The following CHL1 variants were observed in gnomAD, a reference collection of about 807,000 sequenced individuals.
The protein encoded by CHL1 is cell adhesion molecule L1 like, also known as neural cell adhesion molecule L1-like protein.
A neutral mutation model predicts 141.9 loss-of-function variants in CHL1; 96 were observed. The ratio of observed to expected loss-of-function variants is 0.68; its 90% CI spans 0.57 to 0.80. The LOEUF (loss-of-function observed/expected upper bound fraction) is 0.80, where lower values mean the gene tolerates loss of function less well. Ranked by LOEUF, CHL1 falls within the 30% of genes least tolerant of loss-of-function variation. The probability of loss-of-function intolerance (pLI) is 0.00; values close to 1 mark genes in which losing one functional copy is unlikely to be tolerated. For missense variants in CHL1, 1,820 were observed against 1,457.2 expected (o/e 1.25, Z -4.05); for synonymous variants, 613 against 502.2 (o/e 1.22, Z -2.95).
At chr3:393,840 CT>C (rs1434554792) in intron 23 of CHL1, among the ~76,000 whole-genome samples, 1 of 151,912 alleles carries the variant, frequency 6.6e-6, no homozygotes, top group Non-Finnish European at 1.5e-5. Flanking sequence ...TTTGTTTTTT[CT>C]TTTCATTGAT....
At chr3:387,303 G>C (rs374177351) in intron 19 of CHL1, among the ~76,000 whole-genome samples, 4 of 152,102 alleles carry the variant, frequency 2.6e-5, no homozygotes, top group African/African-American at 9.7e-5. Flanking sequence ...CTCCTTCCTC[G>C]TGGGCTCCTT....
At chr3:289,032 T>A (rs1004598280) in intron 2 of CHL1, among the ~76,000 whole-genome samples, 5 of 152,142 alleles carry the variant, frequency 3.3e-5, no homozygotes, top group East Asian at 3.8e-4. Flanking sequence ...ACAGGTCAAA[T>A]GACAATGCGA....
At chr3:340,972 A>G in intron 6 of CHL1, 56 bp downstream of exon 6, 2 of 1,514,458 alleles carry the variant, frequency 1.3e-6, no homozygotes, top group Non-Finnish European at 1.8e-6. Flanking sequence ...TATCCATCAT[A>G]TCAATAACAT....
Position 407,497 on chromosome 3 carries a change from G to A in CHL1, c.*1786G>A, listed in dbSNP as rs1003753287. ...AAGCATTTCAAAGGGGGAAGGCAGT[G>A]TGGTCCCTACCCTGTGTGAATGTGA... On this transcript the variant is annotated 3_prime_UTR_variant, in exon 28 of 28. Coordinates refer to ENST00000256509, the MANE Select transcript of CHL1 (RefSeq NM_006614.4). The A allele has an allele frequency of 3.9e-5, 6 of 152,130 alleles. No individual in the cohort carries two copies. Among genetic ancestry groups the A allele is most frequent in the Admixed American group, 1.3e-4 (2 of 15,248 alleles). 9.4% of individuals were successfully genotyped at this position (152,130 alleles called of 1,614,324 possible).
At chr3:261,600 T>G (rs563907135) in intron 2 of CHL1, among the ~76,000 whole-genome samples, 2 of 152,096 alleles carry the variant, frequency 1.3e-5, no homozygotes, top group Non-Finnish European at 2.9e-5. Context: ...TAGAGCTGAA[T>G]GATATTATTG....
At chr3:308,551 T>A (rs1472723108) in intron 2 of CHL1, among the ~76,000 whole-genome samples, 1 of 151,228 alleles carries the variant, frequency 6.6e-6, no homozygotes, top group Non-Finnish European at 1.5e-5. Flanking sequence ...CATATAAACA[T>A]AGATAGTCAT....
At chr3:206,874 G>T (rs990642222) in intron 1 of CHL1, among the ~76,000 whole-genome samples, 2 of 152,112 alleles carry the variant, frequency 1.3e-5, no homozygotes, top group African/African-American at 4.8e-5. Flanking sequence ...CTCACTTCTG[G>T]GTATTATATG....
chr3:341,659 T>A (rs534422183), intron 6 of CHL1, among the ~76,000 whole-genome samples: 3 of 152,192 alleles, frequency 2.0e-5, no homozygotes, highest in Non-Finnish European at 4.4e-5. Flanking sequence ...AAACAGAGTT[T>A]ACCACTGTTT....
chr3:269,529 C>A (rs4002882), intron 2 of CHL1, among the ~76,000 whole-genome samples: 43,935 of 151,260 alleles, frequency 0.29, 6,746 homozygotes, highest in African/African-American at 0.38. Flanking sequence ...CTCTCTCTCT[C>A]TATATATATA....
intron 1 of CHL1, among the ~76,000 whole-genome samples, chr3:243,107 C>G (rs1050601746): frequency 1.3e-5 from 2 of 152,168 alleles, no homozygotes; most frequent in Non-Finnish European, 2.9e-5. Flanking sequence ...TTCTTTATCA[C>G]TGGGATAAAG....
At chr3:315,737 C>G (rs1700108255) in intron 2 of CHL1, among the ~76,000 whole-genome samples, 1 of 152,062 alleles carries the variant, frequency 6.6e-6, no homozygotes, top group South Asian at 2.1e-4. Context: ...CTGAGGGAGT[C>G]AGGAAGGTTC....
intron 2 of CHL1, among the ~76,000 whole-genome samples, chr3:285,763 TG>T (rs1459147774): frequency 3.9e-5 from 6 of 152,332 alleles, no homozygotes; most frequent in Admixed American, 3.3e-4. Flanking sequence ...TAGCAATGTT[TG>T]TTTCCCTCAG....
chr3:211,305 CA>C (rs2124905641), intron 1 of CHL1, among the ~76,000 whole-genome samples: 1 of 152,276 alleles, frequency 6.6e-6, no homozygotes, highest in Admixed American at 6.5e-5. Context: ...CTCTCAAAAG[CA>C]AATGGAAAGG....
chr3:210,824 G>A (rs1035759530), intron 1 of CHL1, among the ~76,000 whole-genome samples: 1 of 152,162 alleles, frequency 6.6e-6, no homozygotes, highest in African/African-American at 2.4e-5. Flanking sequence ...ACTTCCTAGA[G>A]ATCTTAGACC....
At position 377,853 on chromosome 3, in the gene CHL1, A is replaced by C. The variant is rs151269761; in HGVS notation, c.1787A>C (p.Asn596Thr). 58 of 1,610,198 alleles carry C rather than the reference A, an allele frequency of 3.6e-5. No homozygotes were observed. The highest frequency in any genetic ancestry group is 4.8e-5 in the Non-Finnish European group (57 of 1,176,854). The change falls in exon 16 of 28, where the codon AAT (asparagine) becomes ACT (threonine). Residue 596 changes from asparagine to threonine, a missense_variant. By Grantham distance (65) the Asn-to-Thr change is moderately conservative. Coordinates refer to ENST00000256509, the MANE Select transcript of CHL1 (RefSeq NM_006614.4). Reference sequence around the variant, plus strand: ...GATGGAGCTAATTTGACCATATCTAATGTAACTTTAGAGGACCAAGGTATT... The same window carrying C: ...GATGGAGCTAATTTGACCATATCTACTGTAACTTTAGAGGACCAAGGTATT... ...IIDGANLTIS[N>T]VTLEDQGIYC...
chr3:405,709 T>A lies in CHL1; in HGVS notation c.3673T>A (p.Ter1225LysextTer5). The A allele has an allele frequency of 6.2e-7, 1 of 1,611,040 alleles. No individual in the cohort carries two copies. Among genetic ancestry groups the A allele is most frequent in the Non-Finnish European group, 8.5e-7 (1 of 1,177,466 alleles). ...SSTATFPLRA[*>K] is the part of the protein sequence containing the mutation. ...TACAGCAACTTTTCCCCTTCGGGCA[T>A]AAACACAACATATGTAAGCAACGCT... The change falls in exon 28 of 28, where the codon TAA (stop) becomes AAA (lysine). Residue 1225 changes from the stop codon to lysine, a stop_lost. Transcript: ENST00000256509.
At position 332,495 on chromosome 3, in the gene CHL1, G is replaced by C. The variant is rs1009735274; in HGVS notation, c.385+4141G>C. On this transcript the variant is annotated intron_variant, in intron 5 of 27. Coordinates refer to ENST00000256509, the MANE Select transcript of CHL1 (RefSeq NM_006614.4). The stretch of plus-strand genomic sequence containing the variant: ...TTTGTAAAATGGGTAGTAAGTGAAT[G>C]GATTTCCATTGTGTTTCTTTCTTTC... Among the ~76,000 whole-genome samples, 7 of 152,204 alleles carry C rather than the reference G, an allele frequency of 4.6e-5. No homozygotes were observed. The East Asian group carries it at 1.4e-3, about 29-fold the overall frequency.
chr3:312,740 A>G (rs1021933895), intron 2 of CHL1, among the ~76,000 whole-genome samples: 6 of 152,242 alleles, frequency 3.9e-5, no homozygotes, highest in African/African-American at 1.2e-4. Flanking sequence ...TATATAAGAC[A>G]TCTTGCTTGA....
At chr3:262,394 C>T (rs377013800) in intron 2 of CHL1, among the ~76,000 whole-genome samples, 113 of 68,486 alleles carry the variant, frequency 1.6e-3, no homozygotes, top group African/African-American at 5.6e-3. Flanking sequence ...CTACACAGTA[C>T]TCACAGGGCA....
Sources: gnomAD v4.1 joint callset for allele counts (sites outside exome capture counted in the v4.1 genomes callset) on GRCh38, gnomAD v4.1.1 for gene constraint, MANE v1.5 for transcripts, NCBI Gene and HGNC (gene_info 2026-07-23, HGNC 2026-07-21) for gene names.